Variants in CACNA1D observed in about 807,000 individuals in gnomAD.
The protein encoded by CACNA1D is calcium voltage-gated channel subunit alpha1 D, also known as voltage-dependent L-type calcium channel subunit alpha-1D.
Under a neutral mutation model 257.1 loss-of-function variants are expected in CACNA1D, and 55 were observed. The ratio of observed to expected loss-of-function variants is 0.21; its 90% confidence interval spans 0.17 to 0.27. The LOEUF (loss-of-function observed/expected upper bound fraction) is 0.27, where lower values mean the gene tolerates loss of function less well. Ranked by LOEUF, CACNA1D falls within the 10% of genes least tolerant of loss-of-function variation. CACNA1D has a pLI of 1.00. For synonymous variants in CACNA1D, 980 were observed against 1,014.9 expected (o/e 0.97, Z 0.65); for missense variants, 1,876 against 2,784.0 (o/e 0.67, Z 7.34).
At chr3:53,629,002 G>A (rs1230915142) in intron 3 of CACNA1D, among the ~76,000 whole-genome samples, 1 of 152,214 alleles carries the variant, frequency 6.6e-6, no homozygotes, top group Non-Finnish European at 1.5e-5. Context: ...TAGGGCAGGG[G>A]TGAGCAAACC....
intron 3 of CACNA1D, among the ~76,000 whole-genome samples, chr3:53,512,426 G>A (rs1395939070): frequency 6.6e-6 from 1 of 152,140 alleles, no homozygotes; most frequent in Non-Finnish European, 1.5e-5. Context: ...AAAGCCAGGT[G>A]GGACAATAGT....
chr3:53,566,138 A>AGACACCTC (rs1242908351), intron 3 of CACNA1D, among the ~76,000 whole-genome samples: 5 of 152,228 alleles, frequency 3.3e-5, no homozygotes, highest in African/African-American at 7.2e-5. Flanking sequence ...GACAATGGGA[A>AGACACCTC]GACACCTCCC....
At chr3:53,519,752 C>T (rs1214929576) in intron 3 of CACNA1D, among the ~76,000 whole-genome samples, 1 of 152,172 alleles carries the variant, frequency 6.6e-6, no homozygotes, top group African/African-American at 2.4e-5. Flanking sequence ...AACTTTAGAA[C>T]ATTTTCATCA....
At chr3:53,538,250 C>G (rs575000620) in intron 3 of CACNA1D, among the ~76,000 whole-genome samples, 1 of 146,282 alleles carries the variant, frequency 6.8e-6, no homozygotes, top group South Asian at 2.3e-4. Flanking sequence ...ACAGTTCAAG[C>G]GTTTCTCGTG....
rs549570178 is a variant in CACNA1D at position 53,737,668 on chromosome 3, C to G, written c.2751+2165C>G. ...CGAAACCCCATCTCTACTAAAAATA[C>G]AAAAATTAGCTGGGTGTGGTGGTCT... On this transcript the variant is annotated intron_variant, in intron 20 of 47. Coordinates refer to ENST00000350061, the MANE Select transcript of CACNA1D (RefSeq NM_001128840.3). 2.0e-5 allele frequency among the ~76,000 whole-genome samples: 3 copies of G among 152,254 alleles called. No homozygotes were observed. The East Asian group carries it at 5.8e-4, about 29-fold the overall frequency.
At chr3:53,524,972 G>A (rs1161604409) in intron 3 of CACNA1D, among the ~76,000 whole-genome samples, 3 of 152,178 alleles carry the variant, frequency 2.0e-5, no homozygotes, top group African/African-American at 7.2e-5. Flanking sequence ...GTGGGGAGAG[G>A]CTCGGGAGAG....
intron 3 of CACNA1D, among the ~76,000 whole-genome samples, chr3:53,616,358 C>T (rs377506267): frequency 3.3e-5 from 5 of 152,304 alleles, no homozygotes; most frequent in African/African-American, 9.6e-5. Context: ...GAAGGGACAA[C>T]ATTGTGGAGA....
chr3:53,609,585 A>G (rs1040632677), intron 3 of CACNA1D, among the ~76,000 whole-genome samples: 1 of 152,106 alleles, frequency 6.6e-6, no homozygotes, highest in African/African-American at 2.4e-5. Flanking sequence ...TCCTGATTAT[A>G]TTTTCAAAGT....
intron 8 of CACNA1D, among the ~76,000 whole-genome samples, chr3:53,674,936 C>T (rs562679154): frequency 7.6e-4 from 116 of 152,304 alleles, no homozygotes; most frequent in Non-Finnish European, 1.5e-3. Context: ...GGCTGTATCT[C>T]GGGGAAGTGA....
intron 3 of CACNA1D, among the ~76,000 whole-genome samples, chr3:53,555,926 A>G (rs576455304): frequency 6.6e-6 from 1 of 152,360 alleles, no homozygotes; most frequent in African/African-American, 2.4e-5. Context: ...CACAATTAAG[A>G]TAACAGAACA....
chr3:53,761,631 C>T (rs2095302948), intron 29 of CACNA1D, among the ~76,000 whole-genome samples: 1 of 152,186 alleles, frequency 6.6e-6, no homozygotes, highest in South Asian at 2.1e-4. Flanking sequence ...AGGAAGGAGT[C>T]CATCAGATCG....
intron 30 of CACNA1D, among the ~76,000 whole-genome samples, chr3:53,763,094 T>C (rs1160997136): frequency 6.6e-6 from 1 of 152,196 alleles, no homozygotes; most frequent in African/African-American, 2.4e-5. Context: ...CTGTGGTGGC[T>C]GCTGCTGGTG....
intron 8 of CACNA1D, among the ~76,000 whole-genome samples, chr3:53,700,946 A>G (rs2094619546): frequency 6.9e-6 from 1 of 145,800 alleles, no homozygotes; most frequent in Non-Finnish European, 1.5e-5. Flanking sequence ...GCAATGGTGC[A>G]ATCTCAGCCC....
intron 4 of CACNA1D, among the ~76,000 whole-genome samples, chr3:53,652,983 G>A (rs1032474089): frequency 6.6e-6 from 1 of 152,220 alleles, no homozygotes; most frequent in Non-Finnish European, 1.5e-5. Context: ...GGGCATGGTG[G>A]CTCATGCCTA....
Position 53,751,610 on chromosome 3 carries a change from C to T in CACNA1D, c.3517-139C>T, listed in dbSNP as rs2108879462. 3.6e-6 allele frequency: 3 copies of T among 840,054 alleles called. No individual in the cohort carries two copies. The South Asian group carries it at 4.3e-5, about 12-fold the overall frequency. 52.0% of individuals were successfully genotyped at this position (840,054 alleles called of 1,614,324 possible). A position where few individuals can be genotyped will look rare whatever the true frequency, so the allele number is the denominator to read the frequency against. On this transcript the variant is annotated intron_variant, in intron 27 of 47. Transcript: ENST00000350061. The surrounding 1 kb of genome is among the most constrained non-coding windows in gnomAD (Gnocchi z 4.3). ...GTGGTGCCAGCAGCAGGAAGGGGGT[C>T]ACTCGTAATCATTTTCACCATCGTC...
intron 3 of CACNA1D, among the ~76,000 whole-genome samples, chr3:53,620,036 A>G (rs1473478542): frequency 6.6e-6 from 1 of 152,218 alleles, no homozygotes; most frequent in Non-Finnish European, 1.5e-5. Context: ...AAAATTTATG[A>G]AAAATTAAAT....
intron 9 of CACNA1D, among the ~76,000 whole-genome samples, chr3:53,712,537 T>C (rs1248042077): frequency 1.3e-5 from 2 of 152,244 alleles, no homozygotes; most frequent in African/African-American, 4.8e-5. Flanking sequence ...AGCATGTGCA[T>C]GTGCCTTTAG....
chr3:53,543,731 G>A (rs2107537612), intron 3 of CACNA1D, among the ~76,000 whole-genome samples: 1 of 152,252 alleles, frequency 6.6e-6, no homozygotes, highest in East Asian at 1.9e-4. Context: ...TTATTTTACA[G>A]GTGAGGAAAC....
At chr3:53,642,012 G>A (rs1255236948) in intron 3 of CACNA1D, among the ~76,000 whole-genome samples, 2 of 152,154 alleles carry the variant, frequency 1.3e-5, no homozygotes, top group South Asian at 2.1e-4. Flanking sequence ...TCATTTGCAG[G>A]TGACAAAAAC....
Sources: gnomAD v4.1 joint callset for allele counts (sites outside exome capture counted in the v4.1 genomes callset) on GRCh38, gnomAD v4.1.1 for gene constraint, Gnocchi (gnomAD v3.1) non-coding constraint, MANE v1.5 for transcripts, NCBI Gene and HGNC (gene_info 2026-07-23, HGNC 2026-07-21) for gene names.